The following MRPL42 variants were observed in gnomAD, a reference collection of about 807,000 sequenced individuals.
MRPL42 encodes the protein large ribosomal subunit protein mL42.
Under a neutral mutation model 17.9 loss-of-function variants are expected in MRPL42, and 17 were observed. That is an observed-to-expected ratio of 0.95 (90% confidence interval 0.65 to 1.42). MRPL42 has a LOEUF of 1.42. Ranked by LOEUF, MRPL42 falls within the 40% of genes most tolerant of loss-of-function variation. The pLI is 0.00. For synonymous variants in MRPL42, 59 were observed against 54.4 expected, an observed-to-expected ratio of 1.08 and a Z score of -0.37; for missense variants, 177 against 175.2, an observed-to-expected ratio of 1.01 and a Z score of -0.06.
intron 4 of MRPL42, among the ~76,000 whole-genome samples, chr12:93,484,358 C>A (rs112818337): frequency 0.012 from 1,900 of 152,068 alleles, 45 homozygotes; most frequent in African/African-American, 0.043. Flanking sequence ...CCACTGTAGC[C>A]TGCCGTTATT....
chr12:93,514,295 C>CTTTTT lies in MRPL42; in HGVS notation c.*13090_*13094dup, dbSNP rs55890236. On this transcript the variant is annotated 3_prime_UTR_variant, in exon 6 of 6. Transcript: ENST00000549982. Reference sequence around the variant, plus strand: ...CCCTCTGCTTTTTCTTTCTTTCTTTCTTTTTTTTTTTTTTTTTTTTGAGAT... The same window carrying CTTTTT: ...CCCTCTGCTTTTTCTTTCTTTCTTTCTTTTTTTTTTTTTTTTTTTTTTTTTGAGAT... 23 of 120,862 alleles carry CTTTTT rather than the reference C, an allele frequency of 1.9e-4. No homozygotes were observed. Among genetic ancestry groups the CTTTTT allele is most frequent in the East Asian group, 9.0e-4 (4 of 4,434 alleles). The allele number at this position is 120,862 out of a possible 1,614,324, so 7.5% of individuals were successfully genotyped here.
chr12:93,488,646 ATGAT>A (rs1953356833), intron 5 of MRPL42, among the ~76,000 whole-genome samples: 1 of 152,122 alleles, frequency 6.6e-6, no homozygotes, highest in Admixed American at 6.5e-5. Context: ...GGTACAGAAA[ATGAT>A]TGGGCAGCGT....
intron 4 of MRPL42, among the ~76,000 whole-genome samples, chr12:93,484,993 T>C (rs56405561): frequency 0.079 from 2,165 of 27,338 alleles, 427 homozygotes; most frequent in Middle Eastern, 0.11. Flanking sequence ...TATATATATA[T>C]ATATATATAT....
At chr12:93,487,934 C>T (rs983202004) in intron 5 of MRPL42, 2 of 286,168 alleles carry the variant, frequency 7.0e-6, no homozygotes, top group Admixed American at 5.1e-5. Context: ...GTAGCTAGTA[C>T]TACAGGCATG....
chr12:93,481,419 C>A (rs1880454651), intron 4 of MRPL42, among the ~76,000 whole-genome samples: 1 of 152,154 alleles, frequency 6.6e-6, no homozygotes, highest in South Asian at 2.1e-4. Context: ...TAGATCATTT[C>A]TCTTCCTTCC....
In MRPL42 at chr12:93,484,999, T is replaced by C. The variant is rs1320599813; in HGVS notation, c.220-2498T>C. On this transcript the variant is annotated intron_variant, in intron 4 of 5. Transcript: ENST00000549982. ...ACACACATATATATATATATATATA[T>C]ATATATATATATATATATATATATA... 5.5e-3 allele frequency among the ~76,000 whole-genome samples: 383 copies of C among 69,330 alleles called. 43 individuals carry two copies. Among genetic ancestry groups the C allele is most frequent in the African/African-American group, 0.018 (248 of 14,054 alleles). 45.5% of individuals were successfully genotyped at this position (69,330 alleles called of 152,430 possible). A position where few individuals can be genotyped will look rare whatever the true frequency, so the allele number is the denominator to read the frequency against.
chr12:93,491,953 C>CT (rs1010970171), intron 5 of MRPL42, among the ~76,000 whole-genome samples: 1 of 152,152 alleles, frequency 6.6e-6, no homozygotes, highest in Non-Finnish European at 1.5e-5. Context: ...TGATTTTGTT[C>CT]TTTTTTTATG....
At chr12:93,488,889 T>TTA (rs1265266510) in intron 5 of MRPL42, among the ~76,000 whole-genome samples, 1 of 151,758 alleles carries the variant, frequency 6.6e-6, no homozygotes, top group Non-Finnish European at 1.5e-5. Flanking sequence ...GGAGGTCTCA[T>TTA]TATGTTACCC....
chr12:93,479,313 CA>C (rs34328828), intron 3 of MRPL42, 74 bp from the exon 4 acceptor site: 27,857 of 721,904 alleles, frequency 0.039, no homozygotes, highest in East Asian at 0.07. Flanking sequence ...GAGTCCATCT[CA>C]AAAAAAAAAA....
intron 5 of MRPL42, chr12:93,487,907 G>T: frequency 2.9e-6 from 1 of 339,922 alleles, no homozygotes; most frequent in African/African-American, 2.2e-5. Context: ...AGTGATCTTC[G>T]CACTTTAGCC....
At chr12:93,479,101 T>C (rs1565811397) in intron 3 of MRPL42, among the ~76,000 whole-genome samples, 1 of 151,528 alleles carries the variant, frequency 6.6e-6, no homozygotes. Context: ...CTGGCTAATA[T>C]TTGTATTTTT....
chr12:93,511,716 A>G lies in MRPL42; in HGVS notation c.*10495A>G, dbSNP rs569776539. The stretch of plus-strand genomic sequence containing the variant: ...AGGAAGATTCTCTTTTTTCCACTTC[A>G]TTGCCAACAAACAGCTAACTCTAAA... On this transcript the variant is annotated 3_prime_UTR_variant, in exon 6 of 6. Transcript: ENST00000549982. 1.3e-5 allele frequency: 2 copies of G among 152,342 alleles called. No individual in the cohort carries two copies. The highest frequency in any genetic ancestry group is 3.9e-4 in the East Asian group (2 of 5,192). The allele number at this position is 152,342 out of a possible 1,614,324, so 9.4% of individuals were successfully genotyped here.
At chr12:93,480,809 G>A (rs1880424656) in intron 4 of MRPL42, among the ~76,000 whole-genome samples, 1 of 151,860 alleles carries the variant, frequency 6.6e-6, no homozygotes, top group South Asian at 2.1e-4. Flanking sequence ...CAAAGCGCTG[G>A]GATTACAGGT....
At chr12:93,497,924 T>C (rs1188992602) in intron 5 of MRPL42, among the ~76,000 whole-genome samples, 2 of 146,034 alleles carry the variant, frequency 1.4e-5, no homozygotes, top group Non-Finnish European at 3.0e-5. Context: ...CATGCCCTAC[T>C]GTCTTTTCCT....
At chr12:93,470,720 G>A in intron 2 of MRPL42, 1 of 288,698 alleles carries the variant, frequency 3.5e-6, no homozygotes, top group Non-Finnish European at 5.8e-6. Context: ...GTAGTATTTG[G>A]CTGTTTTTGC....
chr12:93,475,959 A>C (rs898842116), intron 2 of MRPL42, among the ~76,000 whole-genome samples: 90 of 152,148 alleles, frequency 5.9e-4, no homozygotes, highest in African/African-American at 1.5e-3. Context: ...CCAGCCTGGG[A>C]GACAGAGCAA....
In MRPL42 at chr12:93,502,031, G is replaced by T. The variant is rs1953604554; in HGVS notation, c.*810G>T. 1 of 152,150 alleles carries T rather than the reference G, an allele frequency of 6.6e-6. No homozygotes were observed. The allele number at this position is 152,150 out of a possible 1,614,324, so 9.4% of individuals were successfully genotyped here. ...ACCCAAACAAGTGGGAGAGCCAGGA[G>T]CCAAACTATCAGGCTCCAAAGCTTT... On this transcript the variant is annotated 3_prime_UTR_variant, in exon 6 of 6. Coordinates refer to ENST00000549982, the MANE Select transcript of MRPL42 (RefSeq NM_014050.4).
intron 5 of MRPL42, among the ~76,000 whole-genome samples, chr12:93,500,230 ACTT>A (rs1953564461): frequency 1.3e-5 from 2 of 152,174 alleles, no homozygotes; most frequent in Admixed American, 1.3e-4. Flanking sequence ...TATTTTAACT[ACTT>A]TTTCTATATT....
At position 93,479,400 on chromosome 12, in the gene MRPL42, T is replaced by G; in HGVS notation, c.147T>G (p.Leu49=). 6 of 1,611,194 alleles carry G rather than the reference T, an allele frequency of 3.7e-6. No individual in the cohort carries two copies. Among genetic ancestry groups the G allele is most frequent in the Non-Finnish European group, 5.1e-6 (6 of 1,178,470 alleles). ...LPDDYNCNVE[L]ALTSDGRTIV... is the part of the protein sequence containing the mutation. ...TTCTTTTTTTTAGCAACGTAGAGCT[T>G]GCTCTGACTTCTGATGGCAGGACAA... The change falls in exon 4 of 6, where the codon CTT becomes CTG. Residue 49 remains leucine, a synonymous_variant. Coordinates refer to ENST00000549982, the MANE Select transcript of MRPL42 (RefSeq NM_014050.4).
Sources: gnomAD v4.1 joint callset for allele counts (sites outside exome capture counted in the v4.1 genomes callset) on GRCh38, gnomAD v4.1.1 for gene constraint, MANE v1.5 for transcripts, NCBI Gene and HGNC (gene_info 2026-07-23, HGNC 2026-07-21) for gene names.